The following USP4 variants were observed in gnomAD, a reference collection of about 807,000 sequenced individuals.
USP4 encodes the protein ubiquitin carboxyl-terminal hydrolase 4.
In USP4, 72 loss-of-function variants were observed where a neutral mutation model predicts 118.2. The ratio of observed to expected loss-of-function variants is 0.61; its 90% CI spans 0.50 to 0.74. The LOEUF is 0.74. Ranked by LOEUF, USP4 falls within the 30% of genes least tolerant of loss-of-function variation. The pLI, the probability that USP4 is intolerant of heterozygous loss-of-function variation, is 0.00. For missense variants in USP4, 1,037 were observed against 1,185.7 expected (o/e 0.87, Z 1.84); for synonymous variants, 415 against 440.4 (o/e 0.94, Z 0.72).
Position 49,327,732 on chromosome 3 carries a change from A to T in USP4, c.314T>A (p.Leu105Gln). Residue 105 changes from leucine (L) to glutamine (Q), a missense_variant, in exon 3 of 22, where the codon CTA becomes CAA. This residue lies in a region of USP4 where 487 missense variants were observed against 534.1 expected (regional missense o/e 0.91). Coordinates refer to ENST00000265560, the MANE Select transcript of USP4 (RefSeq NM_003363.4). ...GCCTTCTACACAGCCGTACCAGTTT[A>T]GTAGTTTATTCCACGCCTCGGTAGG... is the stretch of plus-strand genomic sequence containing the variant. ...LVPTEAWNKLLNWYGCVEGQQ... is the reference protein window; with the variant it reads ...LVPTEAWNKLQNWYGCVEGQQ... The T allele has an allele frequency of 6.2e-7, 1 of 1,614,160 alleles. No homozygotes were observed.
chr3:49,279,778 A>G (rs1196729062), intron 20 of USP4, among the ~76,000 whole-genome samples: 1 of 152,218 alleles, frequency 6.6e-6, no homozygotes, highest in East Asian at 1.9e-4. Flanking sequence ...AGGGCAACAG[A>G]GAAGGTGCCC....
At position 49,299,184 on chromosome 3, in the gene USP4, G is replaced by A. The variant is rs367813659; in HGVS notation, c.1513-549C>T. Among the ~76,000 whole-genome samples, 28 of 152,104 alleles carry A rather than the reference G, an allele frequency of 1.8e-4. No homozygotes were observed. The East Asian group carries it at 3.9e-3, about 21-fold the overall frequency. The stretch of plus-strand genomic sequence containing the variant: ...GGCTCACTGCAACCTCCACCTCCCG[G>A]GTTCAAGCGATTCTCCTGCCTCAGC... On this transcript the variant is annotated intron_variant, in intron 11 of 21. Coordinates refer to ENST00000265560, the MANE Select transcript of USP4 (RefSeq NM_003363.4).
chr3:49,328,175 T>C (rs1306369920), intron 2 of USP4, among the ~76,000 whole-genome samples: 4 of 151,944 alleles, frequency 2.6e-5, no homozygotes, highest in Admixed American at 6.6e-5. Flanking sequence ...CTGGCCAACA[T>C]GGTGAAACCC....
chr3:49,307,775 T>C (rs2047334416), intron 8 of USP4, among the ~76,000 whole-genome samples: 1 of 150,980 alleles, frequency 6.6e-6, no homozygotes, highest in Non-Finnish European at 1.5e-5. Context: ...TGAGACCCCG[T>C]TTCCACAAAA....
At chr3:49,306,016 A>G (rs899549557) in intron 8 of USP4, 128 bp from the exon 9 acceptor site, 2 of 942,900 alleles carry the variant, frequency 2.1e-6, no homozygotes, top group Admixed American at 3.4e-5. Context: ...GATTCTCTGA[A>G]GGCTCACGAC....
chr3:49,303,491 T>TCTAATACCATAGCCACTAGC lies in USP4; in HGVS notation c.1129-969_1129-950dup, dbSNP rs539797705. On this transcript the variant is annotated intron_variant, in intron 9 of 21. Coordinates refer to ENST00000265560, the MANE Select transcript of USP4 (RefSeq NM_003363.4). ...GAGAACCACTGTTCTACACCTGTTC[T>TCTAATACCATAGCCACTAGC]CTAATACCATAGCCACTAGCCACAT... 3.2e-3 allele frequency among the ~76,000 whole-genome samples: 474 copies of TCTAATACCATAGCCACTAGC among 147,830 alleles called. 2 individuals are homozygous for TCTAATACCATAGCCACTAGC. The highest frequency in any genetic ancestry group is 0.011 in the African/African-American group (461 of 40,278).
At chr3:49,327,853 T>C in intron 2 of USP4, 37 bp from the exon 3 acceptor site, 1 of 1,590,190 alleles carries the variant, frequency 6.3e-7, no homozygotes, top group South Asian at 1.1e-5. Flanking sequence ...CACTGCTCTT[T>C]ACCCCAGAAA....
chr3:49,284,536 T>A lies in USP4; in HGVS notation c.2320A>T (p.Thr774Ser). Residue 774 changes from threonine to serine, a missense_variant, in exon 18 of 22, where the codon ACC becomes TCC. Coordinates refer to ENST00000265560, the MANE Select transcript of USP4 (RefSeq NM_003363.4). Reference protein sequence around the residue: ...SMLQPQKKKKTTVALRDCIEL... With the variant: ...SMLQPQKKKKSTVALRDCIEL... The stretch of plus-strand genomic sequence containing the variant: ...ATGCAGTCTCTCAGGGCCACTGTGG[T>A]CTTCTTCTTCTTCTGAGGCTGCAAC... 1 of 1,611,492 alleles carries A rather than the reference T, an allele frequency of 6.2e-7. No homozygotes were observed. The highest frequency in any genetic ancestry group is 8.5e-7 in the Non-Finnish European group (1 of 1,178,544).
At chr3:49,293,866 T>C (rs2047176689) in intron 14 of USP4, among the ~76,000 whole-genome samples, 2 of 152,054 alleles carry the variant, frequency 1.3e-5, no homozygotes, top group African/African-American at 2.4e-5. Flanking sequence ...CTAGCCTCCC[T>C]AACATGATTC....
At chr3:49,293,378 C>G (rs1465975880) in intron 14 of USP4, among the ~76,000 whole-genome samples, 1 of 152,050 alleles carries the variant, frequency 6.6e-6, no homozygotes, top group Non-Finnish European at 1.5e-5. Context: ...CTGGAAATCA[C>G]TTGAACCTGG....
chr3:49,309,619 C>CTTTTT (rs35128646), intron 8 of USP4, among the ~76,000 whole-genome samples: 13 of 79,356 alleles, frequency 1.6e-4, no homozygotes, highest in Non-Finnish European at 2.0e-4. Context: ...GGCGGGACAG[C>CTTTTT]TTTTTTTTTT....
At chr3:49,295,714 G>GCACACACACACT (rs1553624013) in intron 13 of USP4, among the ~76,000 whole-genome samples, 15 of 148,320 alleles carry the variant, frequency 1.0e-4, no homozygotes, top group African/African-American at 3.9e-4. Context: ...GCGCGCGCGC[G>GCACACACACACT]CACACACACA....
Position 49,294,501 on chromosome 3 carries a change from C to A in USP4, c.1789G>T (p.Ala597Ser), listed in dbSNP as rs199814777. 7.4e-6 allele frequency: 12 copies of A among 1,614,158 alleles called. No individual in the cohort carries two copies. Among genetic ancestry groups the A allele is most frequent in the Non-Finnish European group, 1.0e-5 (12 of 1,180,020 alleles). ...AGTGGCTGCCCATATAGCGCTGATG[C>A]GGAGGAAGTGCTTGATGGCCTGGAC... Reference protein sequence around the residue: ...RKSRPSSTSSASALYGQPLLL... With the variant: ...RKSRPSSTSSSSALYGQPLLL... The change falls in exon 14 of 22, where the codon GCA (alanine) becomes TCA (serine). Residue 597 changes from alanine (A) to serine (S), a missense_variant. Around this residue, in one of 3 missense-constraint regions of USP4, gnomAD observed 522 missense variants for 592.6 expected, o/e 0.88. Coordinates refer to ENST00000265560, the MANE Select transcript of USP4 (RefSeq NM_003363.4).
intron 2 of USP4, among the ~76,000 whole-genome samples, chr3:49,333,891 T>A (rs1202069913): frequency 6.6e-6 from 1 of 152,008 alleles, no homozygotes; most frequent in Non-Finnish European, 1.5e-5. Flanking sequence ...TGGTGGCACA[T>A]GCCTGTAATC....
At chr3:49,286,072 C>A in intron 16 of USP4, 26 bp downstream of exon 16, 2 of 1,608,898 alleles carry the variant, frequency 1.2e-6, no homozygotes, top group Non-Finnish European at 1.7e-6. Flanking sequence ...TAAAGCCCAG[C>A]TTGAAAGGTC....
intron 6 of USP4, among the ~76,000 whole-genome samples, chr3:49,319,528 G>T (rs1388398290): frequency 6.6e-6 from 1 of 151,960 alleles, no homozygotes; most frequent in African/African-American, 2.4e-5. Context: ...GGGATTACAG[G>T]CATAAGCCAC....
At chr3:49,292,388 CTGT>C (rs1401134925) in intron 15 of USP4, 119 bp downstream of exon 15, 1 of 518,606 alleles carries the variant, frequency 1.9e-6, no homozygotes, top group African/African-American at 2.0e-5. Context: ...AACTCTGCTG[CTGT>C]AGGCAGAGCC....
intron 2 of USP4, among the ~76,000 whole-genome samples, chr3:49,328,489 A>G (rs2047580715): frequency 6.6e-6 from 1 of 152,124 alleles, no homozygotes; most frequent in Non-Finnish European, 1.5e-5. Context: ...CCAGACATAG[A>G]TTCCATCTCA....
At chr3:49,318,582 G>A (rs2047465866) in intron 6 of USP4, 1 of 985,302 alleles carries the variant, frequency 1.0e-6, no homozygotes, top group African/African-American at 1.7e-5. Flanking sequence ...GAATTTACAA[G>A]GTGGTCCTCA....
Sources: allele counts gnomAD v4.1 joint callset (sites outside exome capture counted in the v4.1 genomes callset), GRCh38; gene constraint gnomAD v4.1.1; regional missense constraint gnomAD v4.1.1; transcripts MANE v1.5; gene names NCBI Gene and HGNC (gene_info 2026-07-23, HGNC 2026-07-21).